The following SMAD9 variants were observed in gnomAD, a reference collection of about 807,000 sequenced individuals.
SMAD9 encodes MAD homolog 9.
In SMAD9, 36 loss-of-function variants were observed where a neutral mutation model predicts 46.1. The observed-to-expected ratio is 0.78, with a 90% CI of 0.60 to 1.03. The LOEUF (loss-of-function observed/expected upper bound fraction) is 1.03, where lower values mean the gene tolerates loss of function less well. Ranked by LOEUF, SMAD9 falls within the 50% of genes least tolerant of loss-of-function variation. The pLI, the probability that SMAD9 is intolerant of heterozygous loss-of-function variation, is 0.00. For missense variants in SMAD9, 572 were observed against 599.8 expected (o/e 0.95, Z 0.48); for synonymous variants, 245 against 237.1 (o/e 1.03, Z -0.31).
At chr13:36,851,444 A>C (rs2058074076) in intron 6 of SMAD9, among the ~76,000 whole-genome samples, 1 of 151,930 alleles carries the variant, frequency 6.6e-6, no homozygotes, top group Admixed American at 6.6e-5. Context: ...CCGTGCTCCA[A>C]TTCCCTTCAC....
At position 36,879,453 on chromosome 13, in the gene SMAD9, C is replaced by T. The variant is rs558657319; in HGVS notation, c.237G>A (p.Leu79=). 31 of 1,613,762 alleles carry T rather than the reference C, an allele frequency of 1.9e-5. No individual in the cohort carries two copies. In the South Asian group the frequency reaches 2.7e-4, roughly 14 times the overall value. Residue 79 remains leucine (L), a synonymous_variant, in exon 2 of 7, where the codon CTG becomes CTA. Coordinates refer to ENST00000379826, the MANE Select transcript of SMAD9 (RefSeq NM_001127217.3). ...VTIPRSLDGR[L]QVSHRKGLPH... is the part of the protein sequence containing the mutation. ...GCAGGCCCTTGCGGTGGGACACCTG[C>T]AGCCGCCCGTCCAGGGAGCGGGGAA...
chr13:36,857,435 G>T (rs1158946959), intron 5 of SMAD9, among the ~76,000 whole-genome samples: 2 of 152,094 alleles, frequency 1.3e-5, no homozygotes, highest in African/African-American at 4.8e-5. Flanking sequence ...ATCTGCTTGG[G>T]CTGTGTCTTT....
At chr13:36,849,191 G>T (rs1303833074) in intron 6 of SMAD9, among the ~76,000 whole-genome samples, 3 of 152,220 alleles carry the variant, frequency 2.0e-5, no homozygotes, top group African/African-American at 7.2e-5. Flanking sequence ...GGTTACTGCA[G>T]ACCAGTGACT....
rs2058223798 is a variant in SMAD9, at chr13:36,865,522, C to T, written c.1003+15G>A. ...TTCGGCTAGATGACTAAAGGAATAA[C>T]ATCTTTGCTCTTACCCTTTCCTATA... On this transcript the variant is annotated intron_variant, in intron 5 of 6. Transcript: ENST00000379826. 6.2e-7 allele frequency: 1 copy of T among 1,600,288 alleles called. No homozygotes were observed.
intron 1 of SMAD9, among the ~76,000 whole-genome samples, chr13:36,884,086 G>C (rs899542723): frequency 1.3e-5 from 2 of 152,116 alleles, no homozygotes; most frequent in African/African-American, 4.8e-5. Flanking sequence ...GTCTGAGCGC[G>C]ACCTTCACTC....
chr13:36,899,789 G>A (rs553590031), intron 1 of SMAD9, among the ~76,000 whole-genome samples: 2 of 152,336 alleles, frequency 1.3e-5, no homozygotes, highest in Admixed American at 6.5e-5. Context: ...TGTAGTATGT[G>A]AAAAGCAGAA....
At chr13:36,864,715 T>C (rs2058215219) in intron 5 of SMAD9, among the ~76,000 whole-genome samples, 1 of 152,130 alleles carries the variant, frequency 6.6e-6, no homozygotes, top group South Asian at 2.1e-4. Flanking sequence ...TTTGAAGGTA[T>C]GTTAGGAAGA....
chr13:36,914,290 C>T lies in SMAD9; in HGVS notation c.-187+5826G>A, dbSNP rs551809458. 1.2e-4 allele frequency among the ~76,000 whole-genome samples: 19 copies of T among 152,272 alleles called. No homozygotes were observed. The South Asian group carries it at 3.7e-3, about 30-fold the overall frequency. ...AACCCAGCACTTTGGGAGGCCGAGGCCGGCGGATCATGAGGTCAGGAGATC... is the reference window on the plus strand; with the variant it reads ...AACCCAGCACTTTGGGAGGCCGAGGTCGGCGGATCATGAGGTCAGGAGATC... On this transcript the variant is annotated intron_variant, in intron 1 of 6. Coordinates refer to ENST00000379826, the MANE Select transcript of SMAD9 (RefSeq NM_001127217.3).
intron 2 of SMAD9, 151 bp from the exon 3 acceptor site, chr13:36,873,066 T>C: frequency 2.3e-6 from 2 of 879,788 alleles, no homozygotes; most frequent in Non-Finnish European, 3.6e-6. Flanking sequence ...GTGCTCATCA[T>C]AAAACTGTCG....
chr13:36,890,228 A>C (rs1256320027), intron 1 of SMAD9, among the ~76,000 whole-genome samples: 1 of 152,196 alleles, frequency 6.6e-6, no homozygotes, highest in Non-Finnish European at 1.5e-5. Context: ...ATCTCAATAT[A>C]CATTTCTACT....
chr13:36,855,475 A>G (rs919462663), intron 5 of SMAD9, among the ~76,000 whole-genome samples: 2 of 151,952 alleles, frequency 1.3e-5, no homozygotes, highest in Non-Finnish European at 2.9e-5. Flanking sequence ...TTTGATGGGG[A>G]AAAAAAAGTC....
intron 1 of SMAD9, among the ~76,000 whole-genome samples, chr13:36,913,123 T>G (rs1005367727): frequency 2.0e-5 from 3 of 152,252 alleles, no homozygotes; most frequent in Non-Finnish European, 4.4e-5. Flanking sequence ...CCAATATTTT[T>G]CATTTGTGGT....
chr13:36,852,882 T>C (rs868008068), intron 6 of SMAD9, among the ~76,000 whole-genome samples: 1 of 152,204 alleles, frequency 6.6e-6, no homozygotes, highest in Non-Finnish European at 1.5e-5. Context: ...AACAATCAAA[T>C]AGCCACCTTG....
chr13:36,900,973 T>G (rs377523098), intron 1 of SMAD9, among the ~76,000 whole-genome samples: 1 of 152,172 alleles, frequency 6.6e-6, no homozygotes, highest in East Asian at 1.9e-4. Context: ...CCAATCTGCA[T>G]TCTGTCTTTA....
chr13:36,899,340 C>T (rs1171901616), intron 1 of SMAD9, among the ~76,000 whole-genome samples: 1 of 152,146 alleles, frequency 6.6e-6, no homozygotes, highest in Non-Finnish European at 1.5e-5. Flanking sequence ...TTCAGTTCTC[C>T]CCAAATCAAT....
In SMAD9 at chr13:36,871,852, G is replaced by GT. The variant is rs546943260; in HGVS notation, c.670+805dup. On this transcript the variant is annotated intron_variant, in intron 3 of 6. Coordinates refer to ENST00000379826, the MANE Select transcript of SMAD9 (RefSeq NM_001127217.3). ...AATCCTAAGGCAATGCTTGCATATA[G>GT]TAAGAGTTTAATAAATATCCATTAA... is the stretch of plus-strand genomic sequence containing the variant. Among the ~76,000 whole-genome samples the GT allele has an allele frequency of 2.4e-4, 37 of 152,228 alleles. No homozygotes were observed. The East Asian group carries it at 5.8e-3, about 24-fold the overall frequency.
At chr13:36,880,439 C>A (rs989009758) in intron 1 of SMAD9, among the ~76,000 whole-genome samples, 3 of 152,138 alleles carry the variant, frequency 2.0e-5, no homozygotes, top group African/African-American at 7.2e-5. Context: ...TTTTAGTTTG[C>A]ACAAGCAATC....
chr13:36,867,355 G>A lies in SMAD9; in HGVS notation c.699C>T (p.Ala233=), dbSNP rs1490797760. Residue 233 remains alanine, a synonymous_variant, in exon 4 of 7, where the codon GCC becomes GCT. Transcript: ENST00000379826. ...CACTCTGGGTCTCAGAGGCTTCTGT[G>A]GCATGATAAGGCAGGGGTGGTGTGT... ...SVDTPPLPYH[A]TEASETQSGQ... is the part of the protein sequence containing the mutation. 3 of 1,550,732 alleles carry A rather than the reference G, an allele frequency of 1.9e-6. No homozygotes were observed. Among genetic ancestry groups the A allele is most frequent in the Non-Finnish European group, 2.6e-6 (3 of 1,146,496 alleles).
At chr13:36,901,590 G>A (rs917679198) in intron 1 of SMAD9, among the ~76,000 whole-genome samples, 21 of 151,986 alleles carry the variant, frequency 1.4e-4, no homozygotes, top group African/African-American at 3.6e-4. Context: ...ACCATGCTCC[G>A]CTAATTTTTG....
Sources: allele counts gnomAD v4.1 joint callset (sites outside exome capture counted in the v4.1 genomes callset), GRCh38; gene constraint gnomAD v4.1.1; transcripts MANE v1.5; gene names NCBI Gene and HGNC (gene_info 2026-07-23, HGNC 2026-07-21).